The following CRTAC1 variants were observed in gnomAD, a reference collection of about 807,000 sequenced individuals.
The protein encoded by CRTAC1 is acidic secreted protein in cartilage.
In CRTAC1, 37 loss-of-function variants were observed where a neutral mutation model predicts 67.8. That is an observed-to-expected ratio of 0.55 (90% confidence interval 0.42 to 0.72). The LOEUF (loss-of-function observed/expected upper bound fraction) is 0.72. Among genes scored for constraint, CRTAC1 ranks in the 30% least tolerant of loss-of-function variants. The pLI is 0.00. For missense variants in CRTAC1, 780 were observed against 931.6 expected (o/e 0.84, Z 2.12); for synonymous variants, 348 against 371.0 (o/e 0.94, Z 0.71).
At chr10:97,903,863 G>A (rs2050574007) in intron 7 of CRTAC1, among the ~76,000 whole-genome samples, 1 of 152,238 alleles carries the variant, frequency 6.6e-6, no homozygotes, top group South Asian at 2.1e-4. Flanking sequence ...GGCACAGAGA[G>A]GGCTCTGAGG....
chr10:98,000,220 T>C (rs1842663398), intron 2 of CRTAC1, among the ~76,000 whole-genome samples: 1 of 152,210 alleles, frequency 6.6e-6, no homozygotes, highest in African/African-American at 2.4e-5. Flanking sequence ...ACATGCCCCT[T>C]GCTCTCTATA....
chr10:98,014,207 C>A (rs529990789), intron 1 of CRTAC1, among the ~76,000 whole-genome samples: 1 of 152,188 alleles, frequency 6.6e-6, no homozygotes, highest in African/African-American at 2.4e-5. Flanking sequence ...AGTCGGCAGA[C>A]CAGTGCATCG....
At chr10:97,942,881 A>C (rs1188808284) in intron 2 of CRTAC1, among the ~76,000 whole-genome samples, 1 of 152,070 alleles carries the variant, frequency 6.6e-6, no homozygotes. Context: ...AGCCTGGGCA[A>C]CATAGTGACA....
chr10:97,974,903 G>C (rs557477533), intron 2 of CRTAC1, among the ~76,000 whole-genome samples: 1 of 152,290 alleles, frequency 6.6e-6, no homozygotes, highest in African/African-American at 2.4e-5. Context: ...CAGCTGCCTC[G>C]GCGCAGACAG....
At chr10:97,983,512 T>C (rs769082157) in intron 2 of CRTAC1, among the ~76,000 whole-genome samples, 2 of 148,130 alleles carry the variant, frequency 1.4e-5, no homozygotes, top group Non-Finnish European at 2.9e-5. Context: ...CCTCCCCTCA[T>C]TGGGTTGTGC....
At chr10:97,963,534 C>G (rs780498693) in intron 2 of CRTAC1, among the ~76,000 whole-genome samples, 11 of 152,312 alleles carry the variant, frequency 7.2e-5, no homozygotes, top group Non-Finnish European at 1.5e-4. Flanking sequence ...TCACCAGCTT[C>G]AGGGCCTGGC....
chr10:97,921,879 C>T (rs558405302), intron 4 of CRTAC1, among the ~76,000 whole-genome samples: 2 of 151,336 alleles, frequency 1.3e-5, no homozygotes, highest in Non-Finnish European at 2.9e-5. Context: ...CGCCTGCCTC[C>T]TGTGCTGCAG....
At chr10:97,932,086 G>A (rs2051012047) in intron 3 of CRTAC1, among the ~76,000 whole-genome samples, 1 of 152,162 alleles carries the variant, frequency 6.6e-6, no homozygotes, top group Middle Eastern at 3.4e-3. Context: ...TCCCTTACCC[G>A]CTTACCAATT....
At chr10:97,928,346 C>G (rs988934478) in intron 3 of CRTAC1, among the ~76,000 whole-genome samples, 1 of 152,152 alleles carries the variant, frequency 6.6e-6, no homozygotes, top group Non-Finnish European at 1.5e-5. Flanking sequence ...GGAAGTACGC[C>G]TTGGTCCCTG....
At chr10:97,910,822 G>A (rs935688404) in intron 5 of CRTAC1, among the ~76,000 whole-genome samples, 6 of 152,238 alleles carry the variant, frequency 3.9e-5, no homozygotes, top group Admixed American at 6.5e-5. Context: ...CTCTTATTGC[G>A]CTCATAGTTA....
At chr10:97,968,981 T>G (rs2051662695) in intron 2 of CRTAC1, among the ~76,000 whole-genome samples, 1 of 152,312 alleles carries the variant, frequency 6.6e-6, no homozygotes, top group South Asian at 2.1e-4. Flanking sequence ...CTCAGTCACA[T>G]TTGGAGCTCT....
chr10:97,866,360 CT>C (rs1564868455), intron 14 of CRTAC1: 1 of 152,306 alleles, frequency 6.6e-6, no homozygotes, highest in South Asian at 2.1e-4. Context: ...AACTTTGAGA[CT>C]TTGCAGGCTG....
chr10:97,884,169 G>C (rs760802436), intron 12 of CRTAC1, 37 bp downstream of exon 12: 2 of 1,544,790 alleles, frequency 1.3e-6, no homozygotes, highest in South Asian at 2.4e-5. Flanking sequence ...GGTGGTGCCC[G>C]CTTTTCTGGC....
At chr10:97,948,477 G>A (rs919626914) in intron 2 of CRTAC1, among the ~76,000 whole-genome samples, 2 of 152,172 alleles carry the variant, frequency 1.3e-5, no homozygotes, top group African/African-American at 2.4e-5. Context: ...TGGGGGACAC[G>A]TGGTTAAGCA....
chr10:97,949,416 A>G lies in CRTAC1; in HGVS notation c.225-13050T>C, dbSNP rs78798997. Among the ~76,000 whole-genome samples the G allele has an allele frequency of 1.2e-3, 182 of 152,336 alleles. 1 individual carries two copies. Among genetic ancestry groups the G allele is most frequent in the African/African-American group, 4.1e-3 (171 of 41,578 alleles). On this transcript the variant is annotated intron_variant, in intron 2 of 14. Transcript: ENST00000370597. Reference sequence around the variant, plus strand: ...ACAAAAGGGCACAGGCAGAGGTGGAACAGAGGCAGGGCTGTCTCAGGGAAC... The same window carrying G: ...ACAAAAGGGCACAGGCAGAGGTGGAGCAGAGGCAGGGCTGTCTCAGGGAAC...
intron 11 of CRTAC1, among the ~76,000 whole-genome samples, chr10:97,886,643 TTTTTTC>T (rs1289357538): frequency 2.1e-4 from 4 of 18,914 alleles, no homozygotes; most frequent in African/African-American, 2.6e-4. Flanking sequence ...TTTTTTTTTC[TTTTTTC>T]TTTTTTTTTT....
chr10:97,931,150 A>T (rs113129654), intron 3 of CRTAC1, among the ~76,000 whole-genome samples: 131,397 of 152,040 alleles, frequency 0.86, 57,842 homozygotes, highest in South Asian at 0.96. Flanking sequence ...CTTAGATATA[A>T]TTTTTCCCCA....
intron 14 of CRTAC1, among the ~76,000 whole-genome samples, chr10:97,876,625 C>T (rs1215421738): frequency 6.6e-6 from 1 of 152,112 alleles, no homozygotes; most frequent in Non-Finnish European, 1.5e-5. Flanking sequence ...TACTTGACTG[C>T]CCCTAAAGGC....
intron 2 of CRTAC1, among the ~76,000 whole-genome samples, chr10:97,937,969 C>T (rs1356969970): frequency 2.0e-5 from 3 of 152,350 alleles, no homozygotes; most frequent in African/African-American, 7.2e-5. Flanking sequence ...AGAGAAATCA[C>T]GTCTTTCTTT....
Sources: gnomAD v4.1 joint callset for allele counts (sites outside exome capture counted in the v4.1 genomes callset) on GRCh38, gnomAD v4.1.1 for gene constraint, MANE v1.5 for transcripts, NCBI Gene and HGNC (gene_info 2026-07-23, HGNC 2026-07-21) for gene names.